Variants in COL15A1 observed in about 807,000 individuals in gnomAD.
COL15A1 encodes the protein collagen alpha-1(XV) chain.
In COL15A1, 111 loss-of-function variants were observed where a neutral mutation model predicts 165.9. The observed-to-expected ratio is 0.67, with a 90% CI of 0.57 to 0.78. The LOEUF (loss-of-function observed/expected upper bound fraction) is 0.78. COL15A1 is among the 30% of genes least tolerant of loss of function. The probability of loss-of-function intolerance (pLI) is 0.00; values close to 1 mark genes in which losing one functional copy is unlikely to be tolerated. For synonymous variants in COL15A1, 659 were observed against 674.8 expected, an observed-to-expected ratio of 0.98 and a Z score of 0.36; for missense variants, 1,745 against 1,789.7, an observed-to-expected ratio of 0.98 and a Z score of 0.45.
chr9:99,016,035 T>G lies in COL15A1; in HGVS notation c.1563T>G (p.Ala521=), dbSNP rs1366214489. ...AATTEEPLIT[A]GGEESGSPPP... ...CAACAGAGGAGCCCCTCATCACAGC[T>G]GGGGGTGAAGAGTCCGGCAGCCCTC... Residue 521 remains alanine (A), a synonymous_variant, in exon 11 of 42, where the codon GCT becomes GCG. Coordinates refer to ENST00000375001, the MANE Select transcript of COL15A1 (RefSeq NM_001855.5). 2 of 1,614,104 alleles carry G rather than the reference T, an allele frequency of 1.2e-6. No individual in the cohort carries two copies. Among genetic ancestry groups the G allele is most frequent in the Non-Finnish European group, 1.7e-6 (2 of 1,180,010 alleles).
At chr9:98,975,430 T>C (rs1838126822) in intron 2 of COL15A1, among the ~76,000 whole-genome samples, 1 of 152,152 alleles carries the variant, frequency 6.6e-6, no homozygotes, top group Non-Finnish European at 1.5e-5. Flanking sequence ...CCAGATGATG[T>C]CCCTGAGCCT....
chr9:99,048,593 C>T (rs1839532746), intron 28 of COL15A1, among the ~76,000 whole-genome samples: 2 of 151,976 alleles, frequency 1.3e-5, no homozygotes, highest in Admixed American at 1.3e-4. Context: ...GCACAACATG[C>T]AGGTTTGTTA....
At chr9:98,948,624 C>A (rs1837626970) in intron 2 of COL15A1, among the ~76,000 whole-genome samples, 1 of 146,204 alleles carries the variant, frequency 6.8e-6, no homozygotes, top group South Asian at 2.2e-4. Flanking sequence ...AAAAGAGACA[C>A]TTGTCAGTGG....
At chr9:98,991,752 C>T (rs1838436296) in intron 5 of COL15A1, among the ~76,000 whole-genome samples, 2 of 152,074 alleles carry the variant, frequency 1.3e-5, no homozygotes, top group Non-Finnish European at 2.9e-5. Flanking sequence ...GTTTACAAAC[C>T]TTGAGCTAGA....
chr9:99,037,782 A>G (rs1482620819), intron 21 of COL15A1, among the ~76,000 whole-genome samples: 1 of 152,186 alleles, frequency 6.6e-6, no homozygotes, highest in Non-Finnish European at 1.5e-5. Flanking sequence ...TGGAAAGCTG[A>G]GAAGGATTTT....
At chr9:99,036,146 A>G in intron 19 of COL15A1, 24 bp from the exon 20 acceptor site, 1 of 1,594,338 alleles carries the variant, frequency 6.3e-7, no homozygotes, top group Non-Finnish European at 8.6e-7. Flanking sequence ...CTAGAAGAAT[A>G]TTTATTTTTG....
rs1825740217 is a variant in COL15A1, at chr9:99,057,546, GAAACCTCACAACAACA to G, written c.3337+1143_3337+1158del. ...AATCACTTTGCTATGGTATTTTATT[GAAACCTCACAACAACA>G]CTTTAAAAAAAGCATTAACATCCCC... On this transcript the variant is annotated intron_variant, in intron 35 of 41. Transcript: ENST00000375001. 4.6e-5 allele frequency among the ~76,000 whole-genome samples: 7 copies of G among 152,198 alleles called. 1 individual carries two copies. The South Asian group carries it at 6.2e-4, about 14-fold the overall frequency.
chr9:98,948,832 A>T (rs1837631853), intron 2 of COL15A1, among the ~76,000 whole-genome samples: 1 of 152,194 alleles, frequency 6.6e-6, no homozygotes, highest in Non-Finnish European at 1.5e-5. Context: ...ATGATTGCAA[A>T]TTATTTGCTT....
At chr9:99,001,062 G>A (rs1588509448) in intron 7 of COL15A1, 111 bp downstream of exon 7, 1 of 685,766 alleles carries the variant, frequency 1.5e-6, no homozygotes, top group East Asian at 2.7e-5. Flanking sequence ...GGTTTTGGTT[G>A]AATAGCATCA....
chr9:98,996,884 T>G (rs1340664267), intron 5 of COL15A1, 50 bp from the exon 6 acceptor site: 1 of 1,603,266 alleles, frequency 6.2e-7, no homozygotes, highest in African/African-American at 1.3e-5. Context: ...TCATTTCTTC[T>G]GCTTTACTGC....
chr9:99,002,295 C>G (rs1357154478), intron 7 of COL15A1, among the ~76,000 whole-genome samples: 1 of 151,920 alleles, frequency 6.6e-6, no homozygotes, highest in Non-Finnish European at 1.5e-5. Flanking sequence ...AAAGGGCTCC[C>G]TCCTTTCACC....
At chr9:99,004,326 G>A (rs80173563) in intron 8 of COL15A1, among the ~76,000 whole-genome samples, 19,099 of 152,112 alleles carry the variant, frequency 0.13, 1,479 homozygotes, top group East Asian at 0.32. Flanking sequence ...GCCTGCCCTG[G>A]GATGTGGCCA....
rs541226594 is a variant in COL15A1 at position 98,987,192 on chromosome 9, C to T, written c.649-102C>T. On this transcript the variant is annotated intron_variant, in intron 3 of 41. Coordinates refer to ENST00000375001, the MANE Select transcript of COL15A1 (RefSeq NM_001855.5). The stretch of plus-strand genomic sequence containing the variant: ...CAGGCTGTACATCCTCATTCCCACG[C>T]TTTTACCTGTTCGTCTCCATTGCCA... 1.8e-5 allele frequency: 20 copies of T among 1,142,422 alleles called. No individual in the cohort carries two copies. The African/African-American group carries it at 2.9e-4, about 17-fold the overall frequency. The allele number at this position is 1,142,422 out of a possible 1,614,324, so 70.8% of individuals were successfully genotyped here.
chr9:99,007,472 A>G (rs748879950), intron 9 of COL15A1, among the ~76,000 whole-genome samples: 22 of 152,186 alleles, frequency 1.4e-4, no homozygotes, highest in Non-Finnish European at 2.6e-4. Flanking sequence ...CTCTAGTTTC[A>G]GGTTTAGTTG....
intron 22 of COL15A1, among the ~76,000 whole-genome samples, chr9:99,038,958 G>A (rs985286714): frequency 6.6e-6 from 1 of 152,178 alleles, no homozygotes; most frequent in African/African-American, 2.4e-5. Context: ...CCTGTGCACC[G>A]GCAATATGTG....
chr9:99,034,225 A>G (rs1161097769), intron 16 of COL15A1, among the ~76,000 whole-genome samples: 2 of 152,182 alleles, frequency 1.3e-5, no homozygotes, highest in Non-Finnish European at 2.9e-5. Context: ...AGGGTGGGGA[A>G]GGGGACCACT....
chr9:99,035,311 G>A, intron 18 of COL15A1, 39 bp from the exon 19 acceptor site: 18 of 1,614,034 alleles, frequency 1.1e-5, no homozygotes, highest in Non-Finnish European at 1.4e-5. Context: ...AGGTGCCCAG[G>A]AACTGGATCT....
At chr9:99,063,333 G>T (rs1455946808) in intron 39 of COL15A1, among the ~76,000 whole-genome samples, 1 of 152,134 alleles carries the variant, frequency 6.6e-6, no homozygotes, top group Non-Finnish European at 1.5e-5. Flanking sequence ...CCTGGAGGAG[G>T]TTACCTCCAA....
chr9:98,988,732 G>A (rs995365769), intron 4 of COL15A1, among the ~76,000 whole-genome samples: 3 of 152,104 alleles, frequency 2.0e-5, no homozygotes, highest in Admixed American at 1.3e-4. Context: ...AGACCAGCCT[G>A]GCCAACATGG....
Sources: gnomAD v4.1 joint callset for allele counts (sites outside exome capture counted in the v4.1 genomes callset) on GRCh38, gnomAD v4.1.1 for gene constraint, MANE v1.5 for transcripts, NCBI Gene and HGNC (gene_info 2026-07-23, HGNC 2026-07-21) for gene names.